Variants in ADAD1 observed in about 807,000 individuals in gnomAD.
ADAD1 encodes the protein adenosine deaminase domain containing 1.
Under a neutral mutation model 66.8 loss-of-function variants are expected in ADAD1, and 46 were observed. The observed-to-expected ratio is 0.69, with a 90% CI of 0.54 to 0.88. The LOEUF (loss-of-function observed/expected upper bound fraction) is 0.88. Among genes scored for constraint, ADAD1 ranks in the 40% least tolerant of loss-of-function variants. The probability of loss-of-function intolerance (pLI) is 0.00; values close to 1 mark genes in which losing one functional copy is unlikely to be tolerated. For synonymous variants in ADAD1, 248 were observed against 229.4 expected, an observed-to-expected ratio of 1.08 and a Z score of -0.73; for missense variants, 617 against 681.8, an observed-to-expected ratio of 0.91 and a Z score of 1.06.
At chr4:122,392,044 T>G (rs1795476302) in intron 5 of ADAD1, among the ~76,000 whole-genome samples, 1 of 152,236 alleles carries the variant, frequency 6.6e-6, no homozygotes, top group South Asian at 2.1e-4. Flanking sequence ...AAACATCTTG[T>G]ACAGTCTTTC....
chr4:122,393,864 G>T (rs1360125153), intron 6 of ADAD1, among the ~76,000 whole-genome samples: 1 of 152,082 alleles, frequency 6.6e-6, no homozygotes, highest in East Asian at 1.9e-4. Flanking sequence ...TTGAAGAAAA[G>T]ATTTTTTTTT....
chr4:122,391,770 C>T (rs879852255), intron 5 of ADAD1, among the ~76,000 whole-genome samples: 6 of 152,162 alleles, frequency 3.9e-5, no homozygotes, highest in Admixed American at 1.3e-4. Flanking sequence ...AGGGCAATGG[C>T]GCAGTCTTAG....
At chr4:122,386,254 A>G (rs765738279) in intron 5 of ADAD1, among the ~76,000 whole-genome samples, 1 of 152,166 alleles carries the variant, frequency 6.6e-6, no homozygotes, top group Non-Finnish European at 1.5e-5. Flanking sequence ...ATGAGATGGT[A>G]TCTCATTGTG....
chr4:122,428,139 A>AG (rs1274068460), intron 12 of ADAD1, among the ~76,000 whole-genome samples: 1 of 152,186 alleles, frequency 6.6e-6, no homozygotes, highest in Non-Finnish European at 1.5e-5. Context: ...AGTGGACTTT[A>AG]GATCTAACTG....
At chr4:122,379,471 C>CG (rs777083370) in intron 2 of ADAD1, 26 bp downstream of exon 2, 9 of 152,676 alleles carry the variant, frequency 5.9e-5, no homozygotes, top group Admixed American at 1.3e-4. Context: ...AAGCAGGGCG[C>CG]GGGGGCGCAA....
At chr4:122,429,153 A>AG in intron 12 of ADAD1, among the ~76,000 whole-genome samples, 1 of 151,930 alleles carries the variant, frequency 6.6e-6, no homozygotes, top group East Asian at 1.9e-4. Context: ...AAGAAGAAAA[A>AG]CTGGCCAGGT....
At position 122,412,675 on chromosome 4, in the gene ADAD1, G is replaced by A. The variant is rs1254665291; in HGVS notation, c.1115G>A (p.Cys372Tyr). ...VEGKIYLTVY[C>Y]PKDGVNRISS... is the part of the protein sequence containing the mutation. ...GGCAAAATTTATCTGACTGTTTACT[G>A]TCCTAAAGATGGTGTTAATAGAATA... The change falls in exon 10 of 13, where the codon TGT becomes TAT. Residue 372 changes from cysteine to tyrosine, a missense_variant. Physicochemically the swap from Cys to Tyr is radical, Grantham distance 194 (BLOSUM62 -2). Coordinates refer to ENST00000296513, the MANE Select transcript of ADAD1 (RefSeq NM_139243.4). 3 of 1,613,884 alleles carry A rather than the reference G, an allele frequency of 1.9e-6. No homozygotes were observed. The East Asian group carries it at 6.7e-5, about 36-fold the overall frequency.
intron 5 of ADAD1, among the ~76,000 whole-genome samples, chr4:122,391,374 G>T (rs970642486): frequency 3.9e-4 from 59 of 152,296 alleles, no homozygotes; most frequent in African/African-American, 1.4e-3. Context: ...GCTTAACAAG[G>T]CACTTTGTCC....
chr4:122,424,068 C>A (rs2150607483), intron 12 of ADAD1, among the ~76,000 whole-genome samples: 1 of 152,276 alleles, frequency 6.6e-6, no homozygotes, highest in East Asian at 1.9e-4. Context: ...ATGGCAGGTT[C>A]AAGGTGCTGA....
At chr4:122,402,867 A>G (rs1796040709) in intron 7 of ADAD1, among the ~76,000 whole-genome samples, 1 of 151,982 alleles carries the variant, frequency 6.6e-6, no homozygotes, top group Non-Finnish European at 1.5e-5. Context: ...TATGATAGCT[A>G]TTTCTCTGGA....
chr4:122,412,668 G>C lies in ADAD1; in HGVS notation c.1108G>C (p.Val370Leu), dbSNP rs1254885528. Residue 370 changes from valine (V) to leucine (L), a missense_variant, in exon 10 of 13, where the codon GTT (valine) becomes CTT (leucine). Val to Leu is a conservative substitution (Grantham distance 32, BLOSUM62 1). Coordinates refer to ENST00000296513, the MANE Select transcript of ADAD1 (RefSeq NM_139243.4). ...TGTTGAAGGCAAAATTTATCTGACT[G>C]TTTACTGTCCTAAAGATGGTGTTAA... ...VAVEGKIYLT[V>L]YCPKDGVNRI... 1.2e-6 allele frequency: 2 copies of C among 1,613,770 alleles called. No homozygotes were observed. The highest frequency in any genetic ancestry group is 1.7e-5 in the Admixed American group (1 of 59,986).
chr4:122,386,089 C>G (rs1282810905), intron 5 of ADAD1, among the ~76,000 whole-genome samples: 1 of 152,088 alleles, frequency 6.6e-6, no homozygotes, highest in East Asian at 1.9e-4. Flanking sequence ...AATGGTATTT[C>G]TGGTTCTAGA....
intron 5 of ADAD1, 69 bp from the exon 6 acceptor site, chr4:122,393,520 A>G: frequency 7.0e-7 from 1 of 1,419,530 alleles, no homozygotes; most frequent in Non-Finnish European, 9.4e-7. Flanking sequence ...TTATTACAGA[A>G]TAAAAGAAAT....
chr4:122,424,629 A>G (rs1797151275), intron 12 of ADAD1, among the ~76,000 whole-genome samples: 1 of 152,160 alleles, frequency 6.6e-6, no homozygotes, highest in Non-Finnish European at 1.5e-5. Flanking sequence ...TCAGTAAAAC[A>G]TTTTTCTTAA....
intron 10 of ADAD1, among the ~76,000 whole-genome samples, chr4:122,414,237 G>A (rs1796609044): frequency 9.9e-6 from 1 of 100,966 alleles, no homozygotes; most frequent in Non-Finnish European, 2.0e-5. Context: ...ACTTACAGGT[G>A]TTTTTTTTTT....
chr4:122,380,636 G>C (rs1387072807), intron 3 of ADAD1: 1 of 306,950 alleles, frequency 3.3e-6, no homozygotes, highest in African/African-American at 2.2e-5. Context: ...ATGGGAGCCA[G>C]AAGCTACGTT....
At chr4:122,415,060 G>C (rs74512921) in intron 10 of ADAD1, among the ~76,000 whole-genome samples, 5 of 152,088 alleles carry the variant, frequency 3.3e-5, no homozygotes, top group African/African-American at 1.2e-4. Context: ...AACAAATCTG[G>C]ATGTACCAGA....
chr4:122,406,196 A>G (rs753350304), intron 7 of ADAD1, among the ~76,000 whole-genome samples: 3 of 152,226 alleles, frequency 2.0e-5, no homozygotes, highest in African/African-American at 4.8e-5. Context: ...TTCTGCCAAC[A>G]ACATATAAGG....
rs781186910 is a variant in ADAD1 at position 122,421,296 on chromosome 4, G to A, written c.1523G>A (p.Arg508Gln). Reference protein sequence around the residue: ...PFKSGMSMASRLCKAAMLSRF... With the variant: ...PFKSGMSMASQLCKAAMLSRF... ...AAAAGTGGTATGTCAATGGCAAGTC[G>A]GCTTTGTAAGGCTGCAATGTTAAGT... Residue 508 changes from arginine (R) to glutamine (Q), a missense_variant, in exon 12 of 13, where the codon CGG becomes CAG. Coordinates refer to ENST00000296513, the MANE Select transcript of ADAD1 (RefSeq NM_139243.4). 6.2e-6 allele frequency: 10 copies of A among 1,603,000 alleles called. No individual in the cohort carries two copies. The highest frequency in any genetic ancestry group is 1.1e-5 in the South Asian group (1 of 89,440).
Sources: allele counts gnomAD v4.1 joint callset (sites outside exome capture counted in the v4.1 genomes callset), GRCh38; gene constraint gnomAD v4.1.1; transcripts MANE v1.5; gene names NCBI Gene and HGNC (gene_info 2026-07-23, HGNC 2026-07-21).